KCNG3: variants seen among roughly 807,000 people sequenced by gnomAD.
KCNG3 encodes the protein voltage-gated potassium channel regulatory subunit KCNG3.
KCNG3 carries 15 observed loss-of-function variants against 29.0 expected under a neutral mutation model. The ratio of observed to expected loss-of-function variants is 0.52; its 90% CI spans 0.35 to 0.80. KCNG3 has a LOEUF of 0.80. Ranked by LOEUF, KCNG3 falls within the 30% of genes least tolerant of loss-of-function variation. The probability of loss-of-function intolerance (pLI) is 0.01; values close to 1 mark genes in which losing one functional copy is unlikely to be tolerated. For synonymous variants in KCNG3, 322 were observed against 248.9 expected, an observed-to-expected ratio of 1.29 and a Z score of -2.76; for missense variants, 512 against 605.7, an observed-to-expected ratio of 0.85 and a Z score of 1.62.
chr2:42,427,821 T>C, the KCNG3 span, among the ~76,000 whole-genome samples: 7 of 152,210 alleles, frequency 4.6e-5, no homozygotes, highest in African/African-American at 1.7e-4. Context: ...ACTTTCAAGT[T>C]AAAAACGGCC....
At chr2:42,492,229 G>A (rs1433931213) in intron 1 of KCNG3, among the ~76,000 whole-genome samples, 1 of 152,164 alleles carries the variant, frequency 6.6e-6, no homozygotes, top group Non-Finnish European at 1.5e-5. Context: ...ACCAAACGGT[G>A]GACAAGAGGT....
chr2:42,473,476 A>G (rs1275373750), intron 1 of KCNG3, among the ~76,000 whole-genome samples: 1 of 151,962 alleles, frequency 6.6e-6, no homozygotes, highest in Non-Finnish European at 1.5e-5. Context: ...CAGCCTCCTG[A>G]GTAGCTGGGA....
intron 1 of KCNG3, among the ~76,000 whole-genome samples, chr2:42,477,359 A>C (rs1417117312): frequency 7.1e-6 from 1 of 140,682 alleles, no homozygotes; most frequent in Non-Finnish European, 1.5e-5. Flanking sequence ...ATGTGTGTGT[A>C]TATACATATA....
At chr2:42,469,482 T>C (rs941979432) in intron 1 of KCNG3, among the ~76,000 whole-genome samples, 122 of 148,720 alleles carry the variant, frequency 8.2e-4, no homozygotes, top group African/African-American at 2.9e-3. Flanking sequence ...AGAAACAAGA[T>C]AAATGGCAAA....
chr2:42,493,445 C>A lies in KCNG3; in HGVS notation c.57G>T (p.Arg19=). The A allele has an allele frequency of 1.4e-6, 2 of 1,468,004 alleles. No homozygotes were observed. Among genetic ancestry groups the A allele is most frequent in the Middle Eastern group, 3.9e-4 (2 of 5,132 alleles). 90.9% of individuals were successfully genotyped at this position (1,468,004 alleles called of 1,614,324 possible). A position where few individuals can be genotyped will look rare whatever the true frequency, so the allele number is the denominator to read the frequency against. ...ASVVLNVGGA[R]YSLSRELLKD... ...TCAGCAGCTCCCGGGACAGCGAATA[C>A]CGGGCGCCGCCCACGTTCAGCACCA... Residue 19 remains arginine, a synonymous_variant, in exon 1 of 2, where the codon CGG becomes CGT. Coordinates refer to ENST00000306078, the MANE Select transcript of KCNG3 (RefSeq NM_133329.6).
intron 1 of KCNG3, among the ~76,000 whole-genome samples, chr2:42,448,252 T>G (rs2103667379): frequency 6.6e-6 from 1 of 152,346 alleles, no homozygotes; most frequent in South Asian, 2.1e-4. Flanking sequence ...ATACCAGTTT[T>G]GCAAAATGAT....
the KCNG3 span, among the ~76,000 whole-genome samples, chr2:42,405,857 C>T: frequency 6.6e-6 from 1 of 152,138 alleles, no homozygotes; most frequent in Non-Finnish European, 1.5e-5. Context: ...CTGCCCGCCT[C>T]GGCCTCCCAA....
intron 1 of KCNG3, among the ~76,000 whole-genome samples, chr2:42,483,867 T>A (rs1387719970): frequency 1.3e-5 from 2 of 152,144 alleles, no homozygotes; most frequent in Non-Finnish European, 2.9e-5. Flanking sequence ...TCACGGCTCA[T>A]TGCAGCCTCT....
chr2:42,486,628 CCATCT>C (rs1673732871), intron 1 of KCNG3, among the ~76,000 whole-genome samples: 1 of 152,220 alleles, frequency 6.6e-6, no homozygotes, highest in Non-Finnish European at 1.5e-5. Context: ...CAGCCCATTG[CCATCT>C]CAGTGGCATC....
At chr2:42,461,782 C>T (rs1320276683) in intron 1 of KCNG3, among the ~76,000 whole-genome samples, 1 of 152,168 alleles carries the variant, frequency 6.6e-6, no homozygotes, top group East Asian at 1.9e-4. Context: ...TTTTATTTAA[C>T]TGGCAGTTCA....
the KCNG3 span, among the ~76,000 whole-genome samples, chr2:42,403,123 G>GTC: frequency 6.6e-6 from 1 of 152,060 alleles, no homozygotes; most frequent in Non-Finnish European, 1.5e-5. Flanking sequence ...AATGTGAATG[G>GTC]TCTCTCTCTT....
intron 1 of KCNG3, among the ~76,000 whole-genome samples, chr2:42,459,762 G>A (rs562829450): frequency 6.6e-6 from 1 of 152,306 alleles, no homozygotes; most frequent in Non-Finnish European, 1.5e-5. Flanking sequence ...GGATCATGAG[G>A]TCAGGAGATC....
At chr2:42,489,251 G>T (rs1194291554) in intron 1 of KCNG3, among the ~76,000 whole-genome samples, 1 of 152,168 alleles carries the variant, frequency 6.6e-6, no homozygotes, top group African/African-American at 2.4e-5. Context: ...TTCACTGGGC[G>T]TGGTAGCTCA....
the KCNG3 span, among the ~76,000 whole-genome samples, chr2:42,423,333 CCTT>C: frequency 6.6e-6 from 1 of 152,236 alleles, no homozygotes; most frequent in Non-Finnish European, 1.5e-5. Context: ...GAGTAATCCT[CCTT>C]AAGCACAAAC....
intron 1 of KCNG3, among the ~76,000 whole-genome samples, chr2:42,480,940 C>T (rs537796939): frequency 7.2e-5 from 11 of 152,048 alleles, no homozygotes; most frequent in South Asian, 4.1e-4. Context: ...ACCATCACAC[C>T]TGGCTAATTT....
rs1031909852 is a variant in KCNG3, at chr2:42,464,889, G to A, written c.666-20310C>T. Among the ~76,000 whole-genome samples the A allele has an allele frequency of 7.9e-5, 12 of 152,280 alleles. No homozygotes were observed. In the South Asian group the frequency reaches 2.3e-3, roughly 29 times the overall value. On this transcript the variant is annotated intron_variant, in intron 1 of 1. Transcript: ENST00000306078. ...GTCTGTCTCTCCAGCTAGGAAGCAA[G>A]TAGGGCTGTGTGTCTTTAAAAAAAA...
chr2:42,484,567 CAT>C (rs1673675665), intron 1 of KCNG3, among the ~76,000 whole-genome samples: 2 of 152,168 alleles, frequency 1.3e-5, no homozygotes, highest in African/African-American at 2.4e-5. Flanking sequence ...TGTACACGCA[CAT>C]GTGTATATAT....
At chr2:42,455,338 CATTA>C (rs1168213322) in intron 1 of KCNG3, among the ~76,000 whole-genome samples, 5 of 152,200 alleles carry the variant, frequency 3.3e-5, no homozygotes, top group African/African-American at 1.2e-4. Flanking sequence ...CTGACTTTGA[CATTA>C]ATTAATTTTT....
rs909990441 is a variant in KCNG3 at position 42,443,783 on chromosome 2, C to A, written c.*151G>T. 2.0e-5 allele frequency: 13 copies of A among 665,326 alleles called. No homozygotes were observed. In the African/African-American group the frequency reaches 2.4e-4, roughly 12 times the overall value. The allele number at this position is 665,326 out of a possible 1,614,324, so 41.2% of individuals were successfully genotyped here. A position where few individuals can be genotyped will look rare whatever the true frequency, so the allele number is the denominator to read the frequency against. ...TTCTATTTACTCCATAACAAGTAAA[C>A]TGTTTTATCCCTTCGGCTGGGAAGG... On this transcript the variant is annotated 3_prime_UTR_variant, in exon 2 of 2. Coordinates refer to ENST00000306078, the MANE Select transcript of KCNG3 (RefSeq NM_133329.6).
Sources: gnomAD v4.1 joint callset for allele counts (sites outside exome capture counted in the v4.1 genomes callset) on GRCh38, gnomAD v4.1.1 for gene constraint, MANE v1.5 for transcripts, NCBI Gene and HGNC (gene_info 2026-07-23, HGNC 2026-07-21) for gene names.